Variants in ATG2A observed in about 807,000 individuals in gnomAD.
ATG2A encodes the protein autophagy-related protein 2 homolog A.
ATG2A carries 103 observed loss-of-function variants against 214.2 expected under a neutral mutation model. The observed-to-expected ratio is 0.48, with a 90% CI of 0.41 to 0.57. ATG2A has a LOEUF of 0.57. Among genes scored for constraint, ATG2A ranks in the 20% least tolerant of loss-of-function variants. The pLI, the probability that ATG2A is intolerant of heterozygous loss-of-function variation, is 0.00. For synonymous variants in ATG2A, 1,160 were observed against 1,142.1 expected (o/e 1.02, Z -0.32); for missense variants, 2,312 against 2,613.2 (o/e 0.88, Z 2.51).
Position 64,898,571 on chromosome 11 carries a change from C to G in ATG2A, c.4671+65G>C. ...GTGTATGTGTGTGAATCCATGCATG[C>G]GTGAAGATGTATCCCCAACGGTCTG... On this transcript the variant is annotated intron_variant, in intron 32 of 40. Transcript: ENST00000377264. The surrounding 1 kb of genome is among the most constrained non-coding windows in gnomAD (Gnocchi z 4.5). The G allele has an allele frequency of 6.4e-7, 1 of 1,558,888 alleles. No individual in the cohort carries two copies. The highest frequency in any genetic ancestry group is 1.7e-5 in the Admixed American group (1 of 59,458).
At position 64,897,736 on chromosome 11, in the gene ATG2A, G is replaced by A. The variant is rs376529700; in HGVS notation, c.5002C>T (p.Arg1668Cys). The A allele has an allele frequency of 1.7e-5, 28 of 1,614,110 alleles. No homozygotes were observed. Among genetic ancestry groups the A allele is most frequent in the Middle Eastern group, 1.6e-4 (1 of 6,084 alleles). The change falls in exon 36 of 41, where the codon CGC becomes TGC. Residue 1668 changes from arginine (R) to cysteine (C), a missense_variant. By Grantham distance (180) the Arg-to-Cys change is radical. Transcript: ENST00000377264. ...DQQPIYFREF[R>C]FTSEVPIWLD... ...CAGATGGGGACCTCAGACGTGAAGC[G>A]GAACTCTCTGGGTAGGGGAGCAGGA...
At position 64,917,004 on chromosome 11, in the gene ATG2A, C is replaced by T; in HGVS notation, c.132G>A (p.Lys44=). The stretch of plus-strand genomic sequence containing the variant: ...GGATGTCTCGCAGGGCAACGCTGCC[C>T]TTGTACAGATCGAGGCTGAGCTGGT... ...SLDQLSLDLY[K]GSVALRDIHL... The change falls in exon 1 of 41, where the codon AAG becomes AAA. Residue 44 remains lysine (K), a synonymous_variant. Transcript: ENST00000377264. 1 of 1,613,804 alleles carries T rather than the reference C, an allele frequency of 6.2e-7. No homozygotes were observed. The highest frequency in any genetic ancestry group is 8.5e-7 in the Non-Finnish European group (1 of 1,180,016).
intron 39 of ATG2A, 61 bp downstream of exon 39, chr11:64,896,401 G>C (rs1250699619): frequency 2.0e-6 from 3 of 1,532,002 alleles, no homozygotes; most frequent in African/African-American, 3.0e-5. Context: ...CCAGGGAGCT[G>C]TGGTGCAGAG....
In ATG2A at chr11:64,896,573, G is replaced by C; in HGVS notation, c.5316C>G (p.Tyr1772Ter). ...CCCGCATGAGGCGGCCATCCTTCCTGTACTGCTCAATGGGCAGCCACAGCA... is the reference window on the plus strand; with the variant it reads ...CCCGCATGAGGCGGCCATCCTTCCTCTACTGCTCAATGGGCAGCCACAGCA... ...RDLLWLPIEQ[Y>*]RKDGRLMRGL... Residue 1772 changes from tyrosine to a stop codon, truncating the protein, a stop_gained, in exon 39 of 41, where the codon TAC (tyrosine) becomes TAG (stop). Coordinates refer to ENST00000377264, the MANE Select transcript of ATG2A (RefSeq NM_015104.3). LOFTEE classifies it high-confidence loss of function. 6.2e-7 allele frequency: 1 copy of C among 1,614,012 alleles called. No homozygotes were observed. The highest frequency in any genetic ancestry group is 8.5e-7 in the Non-Finnish European group (1 of 1,179,974).
chr11:64,914,010 G>A lies in ATG2A; in HGVS notation c.487+71C>T, dbSNP rs867249919. ...ATCTGGGCACCAGGGTGGCCGTGCC[G>A]TTGTCTGGAGCCCCTGTTCTGTGTG... is the stretch of plus-strand genomic sequence containing the variant. On this transcript the variant is annotated intron_variant, in intron 3 of 40. Coordinates refer to ENST00000377264, the MANE Select transcript of ATG2A (RefSeq NM_015104.3). The A allele has an allele frequency of 1.5e-4, 233 of 1,557,620 alleles. No homozygotes were observed. The Middle Eastern group carries it at 4.5e-3, about 30-fold the overall frequency.
rs780779713 is a variant in ATG2A, at chr11:64,906,107, G to A, written c.3264+6C>T. On this transcript the variant is annotated splice_donor_region_variant and intron_variant, in intron 22 of 40. Transcript: ENST00000377264. ...GGCCATGTGGCTTCCCACCACCCAC[G>A]CTCACCTGGGAATGCCAGCTCTGCT... 6.4e-5 allele frequency: 100 copies of A among 1,569,128 alleles called. No homozygotes were observed. The highest frequency in any genetic ancestry group is 1.7e-4 in the Middle Eastern group (1 of 6,032).
In ATG2A at chr11:64,901,062, G is replaced by A; in HGVS notation, c.4150C>T (p.Leu1384=). The change falls in exon 30 of 41, where the codon CTG becomes TTG. Residue 1384 remains leucine (L), a synonymous_variant. Transcript: ENST00000377264. ...PRDGEPVVTQ[L]HPGPIVVRDG... ...CTCACAACGATGGGGCCGGGATGCA[G>A]CTGTGTCACCACAGGCTCCCCATCT... 1 of 1,578,870 alleles carries A rather than the reference G, an allele frequency of 6.3e-7. No homozygotes were observed. The highest frequency in any genetic ancestry group is 8.6e-7 in the Non-Finnish European group (1 of 1,162,434).
In ATG2A at chr11:64,898,260, C is replaced by T. The variant is rs1468992737; in HGVS notation, c.4773+1G>A. The T allele has an allele frequency of 6.2e-7, 1 of 1,613,816 alleles. No individual in the cohort carries two copies. Reference sequence around the variant, plus strand: ...GCTCTGCCCTCACGTAGACCACTCACCTGGTCCACATTGAGCCGCAGGGGC... The same window carrying T: ...GCTCTGCCCTCACGTAGACCACTCATCTGGTCCACATTGAGCCGCAGGGGC... On this transcript the variant is annotated splice_donor_variant, in intron 33 of 40. Coordinates refer to ENST00000377264, the MANE Select transcript of ATG2A (RefSeq NM_015104.3). LOFTEE classifies it high-confidence loss of function. This position sits in a 1 kb window ranked among gnomAD's most constrained non-coding sequence, Gnocchi z 4.5.
chr11:64,907,769 A>T lies in ATG2A; in HGVS notation c.2486T>A (p.Val829Asp). The T allele has an allele frequency of 6.2e-7, 1 of 1,613,208 alleles. No homozygotes were observed. Among genetic ancestry groups the T allele is most frequent in the Non-Finnish European group, 8.5e-7 (1 of 1,179,936 alleles). The change falls in exon 17 of 41, where the codon GTC (valine) becomes GAC (aspartate). Residue 829 changes from valine to aspartate, a missense_variant. Val to Asp is a radical substitution (Grantham distance 152, BLOSUM62 -3). Coordinates refer to ENST00000377264, the MANE Select transcript of ATG2A (RefSeq NM_015104.3). ...CCACCTGTTGTAGATGCTCTCGTAG[A>T]CCTCCTTGCTGGGCAGAAAGATGTG... is the stretch of plus-strand genomic sequence containing the variant. ...SVHIFLPSKE[V>D]YESIYNRINN...
rs554106021 is a variant in ATG2A at position 64,905,565 on chromosome 11, G to A, written c.3462C>T (p.Leu1154=). Residue 1154 remains leucine (L), a splice_region_variant and synonymous_variant, in exon 24 of 41, where the codon CTC becomes CTT. Transcript: ENST00000377264. ...CCAGTGTGGGGCGGCCTGCATACCT[G>A]AGCAGGAAGGTGGAGGTGTCCATGA... ...NIIMDTSTFL[L]RFILDDSALY... is the part of the protein sequence containing the mutation. 1 of 1,610,494 alleles carries A rather than the reference G, an allele frequency of 6.2e-7. No individual in the cohort carries two copies. Among genetic ancestry groups the A allele is most frequent in the Non-Finnish European group, 8.5e-7 (1 of 1,178,664 alleles).
In ATG2A at chr11:64,906,361, G is replaced by C; in HGVS notation, c.3156C>G (p.Ile1052Met). The C allele has an allele frequency of 6.2e-7, 1 of 1,613,262 alleles. No individual in the cohort carries two copies. The highest frequency in any genetic ancestry group is 1.1e-5 in the South Asian group (1 of 91,082). Residue 1052 changes from isoleucine (I) to methionine (M), a missense_variant, in exon 21 of 41, where the codon ATC becomes ATG. Coordinates refer to ENST00000377264, the MANE Select transcript of ATG2A (RefSeq NM_015104.3). Reference sequence around the variant, plus strand: ...TCACATTCTTGTGGGGGTCCAGGTGGATGCGCACAGCAGTGGACAACATGT... The same window carrying C: ...TCACATTCTTGTGGGGGTCCAGGTGCATGCGCACAGCAGTGGACAACATGT... ...GPHMLSTAVR[I>M]HLDPHKNVKE...
In ATG2A at chr11:64,896,819, T is replaced by C; in HGVS notation, c.5201A>G (p.Gln1734Arg). 6.2e-7 allele frequency: 1 copy of C among 1,614,074 alleles called. No homozygotes were observed. Among genetic ancestry groups the C allele is most frequent in the Non-Finnish European group, 8.5e-7 (1 of 1,180,002 alleles). ...GGGCAGCTGGTTCTTGCGGATGTCCTGCAGCCACTCGTTGAGGGCATAGCC... is the reference window on the plus strand; with the variant it reads ...GGGCAGCTGGTTCTTGCGGATGTCCCGCAGCCACTCGTTGAGGGCATAGCC... ...VLGYALNEWL[Q>R]DIRKNQLPGL... The change falls in exon 38 of 41, where the codon CAG becomes CGG. Residue 1734 changes from glutamine to arginine, a missense_variant. Transcript: ENST00000377264.
At chr11:64,900,406 G>GC in intron 31 of ATG2A, 88 bp downstream of exon 31, 1 of 1,590,542 alleles carries the variant, frequency 6.3e-7, no homozygotes, top group Non-Finnish European at 8.5e-7. Context: ...GTTTTCCTCT[G>GC]CATTAGTCAT....
At chr11:64,910,511 A>G (rs2136622820) in intron 12 of ATG2A, 105 bp downstream of exon 12, 1 of 1,315,874 alleles carries the variant, frequency 7.6e-7, no homozygotes, top group African/African-American at 1.5e-5. Context: ...TGTGGAGCAC[A>G]GGGGAAGAGG....
chr11:64,894,805 C>T lies in ATG2A; in HGVS notation c.*168G>A. The T allele has an allele frequency of 1.2e-6, 1 of 862,844 alleles. No homozygotes were observed. The highest frequency in any genetic ancestry group is 1.9e-6 in the Non-Finnish European group (1 of 513,660). The allele number at this position is 862,844 out of a possible 1,614,324, so 53.4% of individuals were successfully genotyped here. A position where few individuals can be genotyped will look rare whatever the true frequency, so the allele number is the denominator to read the frequency against. On this transcript the variant is annotated 3_prime_UTR_variant, in exon 41 of 41. Transcript: ENST00000377264. ...CAGAGCCAGGGCTAAGGCCCCAAGG[C>T]AGGGAGGCCCCCCTCTCACAGCAGA...
rs373705295 is a variant in ATG2A, at chr11:64,897,959, C to T, written c.4874G>A (p.Arg1625Gln). The T allele has an allele frequency of 8.4e-6, 13 of 1,550,786 alleles. No homozygotes were observed. The highest frequency in any genetic ancestry group is 4.1e-5 in the African/African-American group (3 of 73,062). ...TTCCAGGGGGCTGCTGGGCTGGGCT[C>T]GAGTCTCGGGGCGAGCTAGGGGAGG... ...ETSAEARPET[R>Q]AQPSSPLEGQ... The change falls in exon 35 of 41, where the codon CGA (arginine) becomes CAA (glutamine). Residue 1625 changes from arginine to glutamine, a missense_variant. Transcript: ENST00000377264.
In ATG2A at chr11:64,895,515, C is replaced by A; in HGVS notation, c.5428-73G>T. On this transcript the variant is annotated intron_variant, in intron 39 of 40. Transcript: ENST00000377264. The surrounding 1 kb of genome is among the most constrained non-coding windows in gnomAD (Gnocchi z 5.0). ...GTCAGCCCCAGGCCCCCAGGACAGT[C>A]TGAGACCCCACCAGCCCTCAGCCTC... 1 of 1,438,968 alleles carries A rather than the reference C, an allele frequency of 6.9e-7. No individual in the cohort carries two copies. The highest frequency in any genetic ancestry group is 1.4e-5 in the South Asian group (1 of 69,270). The allele number at this position is 1,438,968 out of a possible 1,614,324, so 89.1% of individuals were successfully genotyped here.
At position 64,913,415 on chromosome 11, in the gene ATG2A, G is replaced by C; in HGVS notation, c.591-14C>G. On this transcript the variant is annotated splice_polypyrimidine_tract_variant and intron_variant, in intron 4 of 40. Transcript: ENST00000377264. This position sits in a 1 kb window ranked among gnomAD's most constrained non-coding sequence, Gnocchi z 4.3. ...CAGTACTCCAGTCTGGAGAGTGTAG[G>C]GTCAGCCCGTGCCCTGGCCACCCCA... 3 of 1,564,410 alleles carry C rather than the reference G, an allele frequency of 1.9e-6. No homozygotes were observed. Among genetic ancestry groups the C allele is most frequent in the Non-Finnish European group, 2.6e-6 (3 of 1,153,000 alleles).
Position 64,910,680 on chromosome 11 carries a change from G to A in ATG2A, c.1643C>T (p.Ser548Phe), listed in dbSNP as rs1242290417. The A allele has an allele frequency of 5.0e-6, 8 of 1,610,430 alleles. No homozygotes were observed. Among genetic ancestry groups the A allele is most frequent in the South Asian group, 1.1e-5 (1 of 90,456 alleles). ...EILTFPGTLG[S>F]QASARPCAHL... is the part of the protein sequence containing the mutation. ...GGCGCAGGGCCGAGCTGAGGCCTGG[G>A]AGCCCAGCGTACCAGGAAAGGTCAG... Residue 548 changes from serine to phenylalanine, a missense_variant, in exon 12 of 41, where the codon TCC becomes TTC. Physicochemically the swap from Ser to Phe is radical, Grantham distance 155. Coordinates refer to ENST00000377264, the MANE Select transcript of ATG2A (RefSeq NM_015104.3).
Sources: gnomAD v4.1 joint callset for allele counts on GRCh38, gnomAD v4.1.1 for gene constraint, Gnocchi (gnomAD v3.1) non-coding constraint, MANE v1.5 for transcripts, NCBI Gene and HGNC (gene_info 2026-07-23, HGNC 2026-07-21) for gene names.